The following ELP3 variants were observed in gnomAD, a reference collection of about 807,000 sequenced individuals.
The protein encoded by ELP3 is elongator acetyltransferase complex subunit 3.
ELP3 carries 56 observed loss-of-function variants against 74.9 expected under a neutral mutation model. The ratio of observed to expected loss-of-function variants is 0.75; its 90% CI spans 0.60 to 0.93. The LOEUF (loss-of-function observed/expected upper bound fraction) is 0.93. ELP3 is among the 40% of genes least tolerant of loss of function. The pLI is 0.00. For synonymous variants in ELP3, 222 were observed against 239.8 expected, an observed-to-expected ratio of 0.93 and a Z score of 0.68; for missense variants, 573 against 686.5, an observed-to-expected ratio of 0.83 and a Z score of 1.85.
chr8:28,094,553 T>C (rs1175726077), intron 1 of ELP3, among the ~76,000 whole-genome samples: 4 of 152,150 alleles, frequency 2.6e-5, no homozygotes, highest in African/African-American at 9.7e-5. Flanking sequence ...ACCCTGTCTC[T>C]ACTAAAAACA....
At chr8:28,105,261 A>G (rs1259769157) in intron 3 of ELP3, among the ~76,000 whole-genome samples, 3 of 152,056 alleles carry the variant, frequency 2.0e-5, no homozygotes, top group Non-Finnish European at 4.4e-5. Context: ...ATGGTGGCAC[A>G]TGCCTGTAAT....
intron 13 of ELP3, among the ~76,000 whole-genome samples, chr8:28,160,985 G>A (rs1170832024): frequency 6.6e-6 from 1 of 152,192 alleles, no homozygotes; most frequent in Non-Finnish European, 1.5e-5. Context: ...ATGAGCTACT[G>A]TGCCTGGCCT....
intron 14 of ELP3, among the ~76,000 whole-genome samples, chr8:28,167,608 T>G (rs1239835237): frequency 6.6e-6 from 1 of 152,222 alleles, no homozygotes; most frequent in Non-Finnish European, 1.5e-5. Flanking sequence ...TATTTGCTAA[T>G]GGACACAGGA....
At chr8:28,156,136 A>G (rs1332907445) in intron 11 of ELP3, 104 bp downstream of exon 11, 10 of 866,554 alleles carry the variant, frequency 1.2e-5, no homozygotes, top group Non-Finnish European at 1.7e-5. Context: ...CTTGCGGGTC[A>G]GGTCAGAAAG....
chr8:28,115,952 C>T (rs911384502), intron 7 of ELP3, among the ~76,000 whole-genome samples: 11 of 152,142 alleles, frequency 7.2e-5, no homozygotes, highest in African/African-American at 2.7e-4. Flanking sequence ...AATAGTGCCA[C>T]CTCTTAAGAT....
intron 13 of ELP3, among the ~76,000 whole-genome samples, chr8:28,161,409 A>G (rs1324525020): frequency 6.6e-6 from 1 of 152,082 alleles, no homozygotes; most frequent in African/African-American, 2.4e-5. Flanking sequence ...CCCTGTCTCT[A>G]CTAAAAGTAC....
intron 13 of ELP3, among the ~76,000 whole-genome samples, 176 bp from the exon 14 acceptor site, chr8:28,161,821 A>G (rs1028776885): frequency 6.6e-6 from 1 of 152,196 alleles, no homozygotes; most frequent in Non-Finnish European, 1.5e-5. Context: ...GTTGTCTGCT[A>G]CAGTGTACCT....
At chr8:28,119,605 T>G (rs1812281618) in intron 7 of ELP3, among the ~76,000 whole-genome samples, 1 of 104,778 alleles carries the variant, frequency 9.5e-6, no homozygotes, top group Non-Finnish European at 1.8e-5. Flanking sequence ...TATATATATA[T>G]ATATATATAT....
intron 10 of ELP3, among the ~76,000 whole-genome samples, chr8:28,146,654 C>T (rs761235358): frequency 6.6e-6 from 1 of 152,168 alleles, no homozygotes; most frequent in Admixed American, 6.5e-5. Context: ...GTAACAATGC[C>T]TGCTTATATA....
At chr8:28,125,301 A>G (rs1812527558) in intron 7 of ELP3, among the ~76,000 whole-genome samples, 1 of 152,178 alleles carries the variant, frequency 6.6e-6, no homozygotes, top group African/African-American at 2.4e-5. Flanking sequence ...TTACTGTGCA[A>G]TTTGGTTTGA....
chr8:28,143,059 T>G (rs1813306807), intron 10 of ELP3, among the ~76,000 whole-genome samples: 1 of 152,220 alleles, frequency 6.6e-6, no homozygotes, highest in Non-Finnish European at 1.5e-5. Flanking sequence ...TTTTACTCAT[T>G]TCTTTGTATA....
chr8:28,132,348 CAT>C lies in ELP3; in HGVS notation c.853_854del (p.Met285AspfsTer3), dbSNP rs1341177114. ...AKDSGFKVVA[H>X]MMPDLPNVGL... Reference sequence around the variant, plus strand: ...AGATTCCGGTTTTAAAGTGGTGGCCCATATGATGCCTGACCTGCCAAACGTGG... The same window carrying C: ...AGATTCCGGTTTTAAAGTGGTGGCCCATGATGCCTGACCTGCCAAACGTGG... On this transcript the variant is annotated frameshift_variant, in exon 9 of 15. Transcript: ENST00000256398. LOFTEE classifies it high-confidence loss of function. 1.5e-5 allele frequency: 24 copies of C among 1,613,988 alleles called. No homozygotes were observed. The highest frequency in any genetic ancestry group is 1.9e-5 in the Non-Finnish European group (23 of 1,179,994).
chr8:28,174,278 T>C (rs1477302578), intron 14 of ELP3, among the ~76,000 whole-genome samples: 2 of 152,104 alleles, frequency 1.3e-5, no homozygotes, highest in Non-Finnish European at 2.9e-5. Context: ...GGGGCTCTGT[T>C]GTTAGGTGCA....
chr8:28,106,554 A>G (rs989059994), intron 3 of ELP3, among the ~76,000 whole-genome samples, 159 bp from the exon 4 acceptor site: 19 of 37,508 alleles, frequency 5.1e-4, no homozygotes, highest in Non-Finnish European at 8.4e-4. Context: ...AAAAAAAAAA[A>G]AAAAAAAAAA....
At position 28,149,443 on chromosome 8, in the gene ELP3, G is replaced by C. The variant is rs75634513; in HGVS notation, c.1101-6499G>C. 9.2e-5 allele frequency among the ~76,000 whole-genome samples: 14 copies of C among 152,242 alleles called. No homozygotes were observed. The East Asian group carries it at 2.7e-3, about 29-fold the overall frequency. On this transcript the variant is annotated intron_variant, in intron 10 of 14. Coordinates refer to ENST00000256398, the MANE Select transcript of ELP3 (RefSeq NM_018091.6). ...TCAGGGACTTTGTCCATTTCATCTA[G>C]GTTATCAAATTTGTGGGCATAGAGT...
chr8:28,106,937 A>G (rs1811720827), intron 4 of ELP3, among the ~76,000 whole-genome samples, 154 bp downstream of exon 4: 1 of 152,204 alleles, frequency 6.6e-6, no homozygotes, highest in Non-Finnish European at 1.5e-5. Context: ...ATTGGTAGAT[A>G]TTTTAGTGCT....
intron 13 of ELP3, among the ~76,000 whole-genome samples, chr8:28,161,043 CAT>C (rs1260851658): frequency 6.6e-6 from 1 of 152,144 alleles, no homozygotes; most frequent in Non-Finnish European, 1.5e-5. Flanking sequence ...CTGGCAATCT[CAT>C]ATGGGTCAAC....
At chr8:28,096,217 C>T (rs1165508840) in intron 1 of ELP3, among the ~76,000 whole-genome samples, 2 of 152,148 alleles carry the variant, frequency 1.3e-5, no homozygotes, top group African/African-American at 4.8e-5. Context: ...CTCAGGGTTC[C>T]CACTGATTCT....
chr8:28,160,321 C>G lies in ELP3; in HGVS notation c.1350C>G (p.Leu450=). ...CAGATCAAGACATTTTGATTGGCCT[C>G]CTACGATTACGCAAGTGTTCAGAAG... The part of the protein sequence containing the change: ...EDPDQDILIG[L]LRLRKCSEET... The change falls in exon 13 of 15, where the codon CTC becomes CTG. Residue 450 remains leucine, a synonymous_variant. Coordinates refer to ENST00000256398, the MANE Select transcript of ELP3 (RefSeq NM_018091.6). 9 of 1,614,166 alleles carry G rather than the reference C, an allele frequency of 5.6e-6. No individual in the cohort carries two copies. The highest frequency in any genetic ancestry group is 7.6e-6 in the Non-Finnish European group (9 of 1,180,032).
Sources: allele counts gnomAD v4.1 joint callset (sites outside exome capture counted in the v4.1 genomes callset), GRCh38; gene constraint gnomAD v4.1.1; transcripts MANE v1.5; gene names NCBI Gene and HGNC (gene_info 2026-07-23, HGNC 2026-07-21).